FAM185A: variants seen among roughly 807,000 people sequenced by gnomAD.
FAM185A encodes family with sequence similarity 185 member A.
FAM185A carries 21 observed loss-of-function variants against 45.7 expected under a neutral mutation model. The observed-to-expected ratio is 0.46, with a 90% confidence interval of 0.33 to 0.66. The LOEUF (loss-of-function observed/expected upper bound fraction) is 0.66. FAM185A is among the 30% of genes least tolerant of loss of function. The pLI is 0.03. For missense variants in FAM185A, 305 were observed against 485.4 expected (o/e 0.63, Z 3.49); for synonymous variants, 117 against 194.0 (o/e 0.60, Z 3.30).
chr7:102,774,360 GCAGA>G (rs1440072820), intron 5 of FAM185A, among the ~76,000 whole-genome samples: 1 of 152,054 alleles, frequency 6.6e-6, no homozygotes, highest in Non-Finnish European at 1.5e-5. Context: ...TTCTAGCTGA[GCAGA>G]CATTTTCAAC....
downstream of FAM185A, among the ~76,000 whole-genome samples, chr7:102,811,089 T>C (rs116500089): frequency 0.011 from 1,628 of 152,282 alleles, 35 homozygotes; most frequent in African/African-American, 0.038. Flanking sequence ...GAGGAAACTG[T>C]GTAGCAGTGA....
chr7:102,836,948 T>C, the FAM185A span, among the ~76,000 whole-genome samples: 1 of 152,218 alleles, frequency 6.6e-6, no homozygotes, highest in South Asian at 2.1e-4. Context: ...TACTGCAAAG[T>C]TGGGGAGTTT....
chr7:102,790,564 A>G (rs1796085686), intron 7 of FAM185A, among the ~76,000 whole-genome samples: 1 of 152,254 alleles, frequency 6.6e-6, no homozygotes, highest in South Asian at 2.1e-4. Flanking sequence ...TTATTTGCAT[A>G]TGTAAGCATG....
the FAM185A span, among the ~76,000 whole-genome samples, chr7:102,834,216 G>A: frequency 6.6e-6 from 1 of 150,884 alleles, no homozygotes; most frequent in African/African-American, 2.4e-5. Flanking sequence ...TTATCTACAT[G>A]TGCTCAATCA....
At chr7:102,822,333 C>A in the FAM185A span, 5 of 888,632 alleles carry the variant, frequency 5.6e-6, no homozygotes, top group South Asian at 7.0e-5. Context: ...ATTTATTTCT[C>A]ACAGTTCTAG....
intron 2 of FAM185A, among the ~76,000 whole-genome samples, chr7:102,753,142 T>C (rs1793476899): frequency 6.6e-6 from 1 of 152,190 alleles, no homozygotes; most frequent in Non-Finnish European, 1.5e-5. Flanking sequence ...TGTAAAAGAT[T>C]GTGTAATAAG....
chr7:102,767,134 CTTT>C (rs56733214), intron 4 of FAM185A, among the ~76,000 whole-genome samples: 1 of 139,730 alleles, frequency 7.2e-6, no homozygotes, highest in Non-Finnish European at 1.5e-5. Flanking sequence ...AGAATTACAG[CTTT>C]TTTTTTTTTT....
the FAM185A span, chr7:102,822,232 T>C: frequency 6.2e-7 from 1 of 1,607,984 alleles, no homozygotes; most frequent in Non-Finnish European, 8.5e-7. Flanking sequence ...TAAGTACTGG[T>C]TATTCAAACA....
downstream of FAM185A, chr7:102,813,398 C>A (rs762450465): frequency 1.2e-6 from 2 of 1,613,930 alleles, no homozygotes; most frequent in Non-Finnish European, 1.7e-6. Context: ...AATTCTAAGG[C>A]TCCTTTAGAT....
At chr7:102,776,116 A>ACATATACACACACACACACACACC (rs1198677194) in intron 5 of FAM185A, among the ~76,000 whole-genome samples, 1 of 126,598 alleles carries the variant, frequency 7.9e-6, no homozygotes, top group Non-Finnish European at 1.6e-5. Flanking sequence ...ACACACACAC[A>ACATATACACACACACACACACACC]AATGTTTTCT....
the FAM185A span, among the ~76,000 whole-genome samples, chr7:102,833,436 CTTTTTTT>C: frequency 1.5e-5 from 2 of 134,616 alleles, no homozygotes; most frequent in Admixed American, 1.5e-4. Context: ...AGCCTGTTTC[CTTTTTTT>C]TTTTTTTTTT....
the FAM185A span, among the ~76,000 whole-genome samples, chr7:102,815,899 A>T: frequency 6.6e-6 from 1 of 152,198 alleles, no homozygotes; most frequent in South Asian, 2.1e-4. Flanking sequence ...GTTTGAGAAA[A>T]TAACAAGAAA....
chr7:102,823,548 A>G, the FAM185A span, among the ~76,000 whole-genome samples: 1 of 152,226 alleles, frequency 6.6e-6, no homozygotes, highest in Non-Finnish European at 1.5e-5. Context: ...GATGTCCTAC[A>G]GAGGTAATTC....
chr7:102,784,179 G>C (rs1396797401), intron 6 of FAM185A, among the ~76,000 whole-genome samples: 2 of 151,832 alleles, frequency 1.3e-5, no homozygotes, highest in Non-Finnish European at 2.9e-5. Context: ...CTCTGAAATT[G>C]AGGCAATAAT....
intron 7 of FAM185A, among the ~76,000 whole-genome samples, chr7:102,806,752 C>A (rs1158661147): frequency 1.3e-5 from 2 of 152,064 alleles, no homozygotes; most frequent in Non-Finnish European, 1.5e-5. Context: ...GAGAAACAAA[C>A]GAGGGGAGCT....
chr7:102,827,602 T>C, the FAM185A span, among the ~76,000 whole-genome samples: 3 of 152,114 alleles, frequency 2.0e-5, no homozygotes. Flanking sequence ...TGTATACATG[T>C]GCCATGTTGG....
At chr7:102,831,060 T>G in the FAM185A span, among the ~76,000 whole-genome samples, 1 of 152,168 alleles carries the variant, frequency 6.6e-6, no homozygotes, top group Non-Finnish European at 1.5e-5. Flanking sequence ...GAACCACCCC[T>G]GTCAGTCATT....
chr7:102,774,327 G>A (rs2129437071), intron 5 of FAM185A, among the ~76,000 whole-genome samples: 1 of 152,230 alleles, frequency 6.6e-6, no homozygotes, highest in East Asian at 1.9e-4. Context: ...TCTAATAGTG[G>A]TTTTCTCAAA....
At chr7:102,795,547 G>A (rs1796395235) in intron 7 of FAM185A, among the ~76,000 whole-genome samples, 2 of 152,262 alleles carry the variant, frequency 1.3e-5, no homozygotes, top group Admixed American at 6.5e-5. Flanking sequence ...GCTCCAGTAC[G>A]GGAAAAGGGA....
Sources: gnomAD v4.1 joint callset for allele counts (sites outside exome capture counted in the v4.1 genomes callset) on GRCh38, gnomAD v4.1.1 for gene constraint, MANE v1.5 for transcripts, NCBI Gene and HGNC (gene_info 2026-07-23, HGNC 2026-07-21) for gene names.